COQ8A: variants seen among roughly 807,000 people sequenced by gnomAD.
COQ8A encodes coenzyme Q8A, also known as atypical kinase COQ8A, mitochondrial.
Under a neutral mutation model 65.0 loss-of-function variants are expected in COQ8A, and 51 were observed. That is an observed-to-expected ratio of 0.78 (90% confidence interval 0.63 to 0.99). COQ8A has a LOEUF of 0.99. COQ8A is among the 50% of genes least tolerant of loss of function. COQ8A has a pLI of 0.00. For missense variants in COQ8A, 940 were observed against 875.0 expected (o/e 1.07, Z -0.94); for synonymous variants, 371 against 353.2 (o/e 1.05, Z -0.57).
intron 5 of COQ8A, among the ~76,000 whole-genome samples, chr1:226,978,375 AC>A (rs1231279229): frequency 1.3e-5 from 1 of 74,312 alleles, no homozygotes; most frequent in Non-Finnish European, 2.5e-5. Context: ...CTCCTTACAC[AC>A]CCTCCACATA....
At chr1:226,981,467 G>A (rs1048846916) in intron 5 of COQ8A, among the ~76,000 whole-genome samples, 8 of 152,252 alleles carry the variant, frequency 5.3e-5, no homozygotes, top group Non-Finnish European at 1.2e-4. Flanking sequence ...GGGTGGACGG[G>A]AGAGACGGGC....
chr1:226,985,661 C>T (rs182276464), intron 14 of COQ8A, among the ~76,000 whole-genome samples: 1 of 152,304 alleles, frequency 6.6e-6, no homozygotes, highest in East Asian at 1.9e-4. Context: ...CCAGCCCTCC[C>T]CTCATCGAGC....
intron 14 of COQ8A, among the ~76,000 whole-genome samples, chr1:226,985,911 AGCTCTCTCCCGCCTCTT>A (rs1660080320): frequency 2.0e-5 from 3 of 152,240 alleles, no homozygotes; most frequent in Admixed American, 2.0e-4. Flanking sequence ...AGCGGGCAGC[AGCTCTCTCCCGCCTCTT>A]CCTTATGGCC....
At chr1:226,955,925 C>G (rs1385594519) in intron 1 of COQ8A, among the ~76,000 whole-genome samples, 2 of 142,036 alleles carry the variant, frequency 1.4e-5, no homozygotes, top group African/African-American at 5.7e-5. Context: ...GGTTCACACT[C>G]TCCCTGGTTC....
intron 1 of COQ8A, among the ~76,000 whole-genome samples, chr1:226,948,736 C>T (rs1446005283): frequency 2.0e-5 from 3 of 151,996 alleles, no homozygotes; most frequent in Non-Finnish European, 4.4e-5. Context: ...CAAGAGCCTC[C>T]CACAAGGAGC....
At position 226,986,619 on chromosome 1, in the gene COQ8A, T is replaced by C. The variant is rs773099108; in HGVS notation, c.1826T>C (p.Leu609Pro). 5.6e-6 allele frequency: 9 copies of C among 1,613,658 alleles called. No homozygotes were observed. Among genetic ancestry groups the C allele is most frequent in the Non-Finnish European group, 7.6e-6 (9 of 1,179,948 alleles). ...CCCCCACCCGAGGAAACCTACTCCCTGCACAGGAAGATGGGGGGCTCCTTC... is the reference window on the plus strand; with the variant it reads ...CCCCCACCCGAGGAAACCTACTCCCCGCACAGGAAGATGGGGGGCTCCTTC... ...LVPPPEETYS[L>P]HRKMGGSFLI... Residue 609 changes from leucine to proline, a missense_variant, in exon 15 of 15, where the codon CTG becomes CCG. Leu to Pro is a moderately conservative substitution (Grantham distance 98). Coordinates refer to ENST00000366777, the MANE Select transcript of COQ8A (RefSeq NM_020247.5).
chr1:226,982,145 C>A lies in COQ8A; in HGVS notation c.849C>A (p.Ile283=), dbSNP rs1447208859. 1 of 1,592,394 alleles carries A rather than the reference C, an allele frequency of 6.3e-7. No homozygotes were observed. ...AALKLGQMLS[I]QDDAFINPHL... ...TCAAGCTGGGCCAGATGCTGAGCAT[C>A]CAGGGTGAGTGGGCGCGGGGGCTGC... The change falls in exon 6 of 15, where the codon ATC becomes ATA. Residue 283 remains isoleucine, a synonymous_variant. Transcript: ENST00000366777.
At chr1:226,984,001 A>AG (rs1416311446) in intron 10 of COQ8A, 93 bp from the exon 11 acceptor site, 8 of 1,388,716 alleles carry the variant, frequency 5.8e-6, no homozygotes, top group Non-Finnish European at 7.6e-6. Context: ...CCTGGGGTGA[A>AG]GGAGGGCCCT....
chr1:226,962,067 C>T (rs1318785183), intron 2 of COQ8A, among the ~76,000 whole-genome samples: 2 of 152,218 alleles, frequency 1.3e-5, no homozygotes, highest in Non-Finnish European at 2.9e-5. Flanking sequence ...ACTTTGGAGA[C>T]ACACAATGCA....
At chr1:226,941,838 C>T (rs922356079) in intron 1 of COQ8A, among the ~76,000 whole-genome samples, 1 of 151,058 alleles carries the variant, frequency 6.6e-6, no homozygotes, top group South Asian at 2.1e-4. Flanking sequence ...GCAAATGGTG[C>T]GGACTATGCA....
chr1:226,962,926 T>TC, intron 2 of COQ8A, among the ~76,000 whole-genome samples: 1 of 152,324 alleles, frequency 6.6e-6, no homozygotes, highest in Middle Eastern at 3.4e-3. Context: ...TCTTGTCCCC[T>TC]CCCAGCCTGG....
Position 226,986,435 on chromosome 1 carries a change from C to T in COQ8A, c.1660-18C>T. On this transcript the variant is annotated intron_variant, in intron 14 of 14. Transcript: ENST00000366777. ...CTCTGGTGTCTCGCCGCCATTTATC[C>T]TTCCTCTCTTGCCCCAGGTCATGGA... 6.2e-7 allele frequency: 1 copy of T among 1,610,614 alleles called. No homozygotes were observed. The highest frequency in any genetic ancestry group is 8.5e-7 in the Non-Finnish European group (1 of 1,179,842).
chr1:226,977,925 C>A (rs1046776854), intron 5 of COQ8A, among the ~76,000 whole-genome samples: 1 of 150,208 alleles, frequency 6.7e-6, no homozygotes, highest in Non-Finnish European at 1.5e-5. Flanking sequence ...ACCTTACACA[C>A]CCCTTGCCCA....
chr1:226,985,417 CA>C, intron 14 of COQ8A, 77 bp downstream of exon 14: 1 of 1,543,934 alleles, frequency 6.5e-7, no homozygotes, highest in Non-Finnish European at 8.9e-7. Context: ...GATGAAAGCA[CA>C]GGGGGCAGCT....
intron 14 of COQ8A, among the ~76,000 whole-genome samples, chr1:226,985,559 A>G (rs1423588121): frequency 1.3e-5 from 2 of 152,190 alleles, no homozygotes; most frequent in Non-Finnish European, 2.9e-5. Context: ...CTTGTCGTGA[A>G]GCTCTTGTTT....
At chr1:226,976,239 C>T (rs1160565769) in intron 4 of COQ8A, among the ~76,000 whole-genome samples, 2 of 135,600 alleles carry the variant, frequency 1.5e-5, no homozygotes, top group Admixed American at 1.5e-4. Context: ...TGTGGGACTG[C>T]GGGGCTGTGG....
rs149364914 is a variant in COQ8A, at chr1:226,984,215, A to G, written c.1378A>G (p.Ser460Gly). Residue 460 changes from serine (S) to glycine (G), a missense_variant, in exon 11 of 15, where the codon AGC becomes GGC. Physicochemically the swap from Ser to Gly is moderately conservative, Grantham distance 56. Transcript: ENST00000366777. ...CCCCCTGGACCAGGCCGAAGGGCTC[A>G]GCCAGGAGATTCGGAACGAGGTTTG... ...GFPLDQAEGL[S>G]QEIRNEICYN... 175 of 1,613,786 alleles carry G rather than the reference A, an allele frequency of 1.1e-4. 1 individual carries two copies. In the African/African-American group the frequency reaches 1.9e-3, roughly 17 times the overall value.
At chr1:226,982,171 T>G (rs1360322753) in intron 6 of COQ8A, 22 bp downstream of exon 6, 1 of 1,559,400 alleles carries the variant, frequency 6.4e-7, no homozygotes, top group Admixed American at 1.9e-5. Context: ...CGGGGGCTGC[T>G]GCCCCGGGAC....
chr1:226,985,463 G>A, intron 14 of COQ8A, 123 bp downstream of exon 14: 1 of 1,112,890 alleles, frequency 9.0e-7, no homozygotes, highest in Non-Finnish European at 1.3e-6. Context: ...GGGCCTCCTT[G>A]GGCACGGTCT....
Sources: allele counts gnomAD v4.1 joint callset (sites outside exome capture counted in the v4.1 genomes callset), GRCh38; gene constraint gnomAD v4.1.1; transcripts MANE v1.5; gene names NCBI Gene and HGNC (gene_info 2026-07-23, HGNC 2026-07-21).